The following SEMA3E variants were observed in gnomAD, a reference collection of about 807,000 sequenced individuals.
SEMA3E encodes the protein semaphorin-3E.
SEMA3E carries 49 observed loss-of-function variants against 93.6 expected under a neutral mutation model. The ratio of observed to expected loss-of-function variants is 0.52; its 90% CI spans 0.42 to 0.66. SEMA3E has a LOEUF of 0.66. Ranked by LOEUF, SEMA3E falls within the 30% of genes least tolerant of loss-of-function variation. The probability of loss-of-function intolerance (pLI) is 0.00; values close to 1 mark genes in which losing one functional copy is unlikely to be tolerated. For missense variants in SEMA3E, 906 were observed against 964.8 expected (o/e 0.94, Z 0.81); for synonymous variants, 363 against 330.7 (o/e 1.10, Z -1.06).
intron 1 of SEMA3E, among the ~76,000 whole-genome samples, chr7:83,573,801 T>C (rs1375322720): frequency 6.6e-6 from 1 of 151,932 alleles, no homozygotes; most frequent in Non-Finnish European, 1.5e-5. Flanking sequence ...TTATTATATA[T>C]CAGATACTAT....
chr7:83,545,179 A>G (rs1562826785), intron 1 of SEMA3E, among the ~76,000 whole-genome samples: 1 of 152,146 alleles, frequency 6.6e-6, no homozygotes, highest in Non-Finnish European at 1.5e-5. Context: ...ATTCAGTGCT[A>G]GGAATGTTTA....
At chr7:83,617,614 TAATTTTATATA>T (rs1247490036) in intron 1 of SEMA3E, among the ~76,000 whole-genome samples, 3 of 127,328 alleles carry the variant, frequency 2.4e-5, no homozygotes, top group Non-Finnish European at 4.8e-5. Flanking sequence ...AAGTAATATA[TAATTTTATATA>T]AATTTTATAT....
At chr7:83,634,675 A>C (rs535628350) in intron 1 of SEMA3E, among the ~76,000 whole-genome samples, 1 of 152,138 alleles carries the variant, frequency 6.6e-6, no homozygotes, top group South Asian at 2.1e-4. Context: ...AATTACAAGG[A>C]AATTAAACCA....
At chr7:83,497,375 A>G (rs552542506) in intron 1 of SEMA3E, among the ~76,000 whole-genome samples, 1 of 152,296 alleles carries the variant, frequency 6.6e-6, no homozygotes, top group East Asian at 1.9e-4. Flanking sequence ...TCACCTGCCA[A>G]GTAAAGACTT....
intron 1 of SEMA3E, among the ~76,000 whole-genome samples, chr7:83,506,066 T>C (rs1318669403): frequency 1.3e-5 from 2 of 149,136 alleles, no homozygotes; most frequent in Non-Finnish European, 3.0e-5. Flanking sequence ...TGCTCAGTTC[T>C]TGTGAAGCTG....
chr7:83,590,709 A>G (rs756828844), intron 1 of SEMA3E, among the ~76,000 whole-genome samples: 3 of 152,172 alleles, frequency 2.0e-5, no homozygotes, highest in Non-Finnish European at 4.4e-5. Context: ...CTGTCTAGCT[A>G]TGATGCCTGT....
chr7:83,617,610 T>C (rs1260321486), intron 1 of SEMA3E, among the ~76,000 whole-genome samples: 1 of 146,800 alleles, frequency 6.8e-6, no homozygotes, highest in Non-Finnish European at 1.5e-5. Flanking sequence ...ATATAAGTAA[T>C]ATATAATTTT....
intron 1 of SEMA3E, among the ~76,000 whole-genome samples, chr7:83,640,155 T>A (rs1793975481): frequency 6.6e-6 from 1 of 152,178 alleles, no homozygotes; most frequent in African/African-American, 2.4e-5. Context: ...TATTCTCATT[T>A]TCTTTGCTGC....
chr7:83,517,835 T>C (rs1045098591), intron 1 of SEMA3E, among the ~76,000 whole-genome samples: 1 of 152,100 alleles, frequency 6.6e-6, no homozygotes, highest in Non-Finnish European at 1.5e-5. Context: ...GTAACCACTA[T>C]TGGGATCTGA....
At chr7:83,412,483 C>T (rs779148733) in intron 5 of SEMA3E, among the ~76,000 whole-genome samples, 2 of 151,996 alleles carry the variant, frequency 1.3e-5, no homozygotes, top group African/African-American at 2.4e-5. Context: ...CAGTGATTCT[C>T]GCCTGTAATC....
Position 83,526,003 on chromosome 7 carries a change from T to A in SEMA3E, c.116-35729A>T, listed in dbSNP as rs57672014. On this transcript the variant is annotated intron_variant, in intron 1 of 16. Transcript: ENST00000643230. Reference sequence around the variant, plus strand: ...GCATCAATATATTTCTTTAGACTAGTCAGATTCCTCTGAGGAGAATATTTC... The same window carrying A: ...GCATCAATATATTTCTTTAGACTAGACAGATTCCTCTGAGGAGAATATTTC... Among the ~76,000 whole-genome samples, 27 of 151,614 alleles carry A rather than the reference T, an allele frequency of 1.8e-4. No homozygotes were observed. In the South Asian group the frequency reaches 3.1e-3, roughly 18 times the overall value.
intron 1 of SEMA3E, among the ~76,000 whole-genome samples, chr7:83,626,226 G>T (rs1793664360): frequency 1.3e-5 from 2 of 152,184 alleles, no homozygotes; most frequent in South Asian, 4.1e-4. Context: ...CTCATAAAAA[G>T]AGTTAGGGAG....
At chr7:83,404,313 A>G (rs1375287209) in intron 9 of SEMA3E, among the ~76,000 whole-genome samples, 1 of 151,956 alleles carries the variant, frequency 6.6e-6, no homozygotes, top group Non-Finnish European at 1.5e-5. Flanking sequence ...TCTCTAAGTG[A>G]GCATTAGAAA....
intron 11 of SEMA3E, among the ~76,000 whole-genome samples, chr7:83,398,995 A>G (rs1194084640): frequency 1.3e-5 from 2 of 152,134 alleles, no homozygotes; most frequent in African/African-American, 4.8e-5. Flanking sequence ...AAAACAAAAC[A>G]AAAATAAAAA....
chr7:83,551,033 G>A (rs1639301), intron 1 of SEMA3E, among the ~76,000 whole-genome samples: 50,721 of 151,940 alleles, frequency 0.33, 10,359 homozygotes, highest in African/African-American at 0.57. Flanking sequence ...AGTACTAAGT[G>A]TTGGTAAACA....
intron 14 of SEMA3E, among the ~76,000 whole-genome samples, chr7:83,390,941 T>C (rs1475218112): frequency 1.3e-5 from 2 of 152,200 alleles, no homozygotes; most frequent in African/African-American, 4.8e-5. Flanking sequence ...CAATTAAAAT[T>C]CATTATCACT....
intron 4 of SEMA3E, among the ~76,000 whole-genome samples, chr7:83,461,592 T>C (rs1789618174): frequency 6.6e-6 from 1 of 152,288 alleles, no homozygotes; most frequent in Non-Finnish European, 1.5e-5. Flanking sequence ...TCATCAAATA[T>C]AAAAATCCAG....
At chr7:83,387,438 GTTATT>G (rs895444270) in intron 14 of SEMA3E, among the ~76,000 whole-genome samples, 2 of 152,060 alleles carry the variant, frequency 1.3e-5, no homozygotes, top group Non-Finnish European at 2.9e-5. Flanking sequence ...GTACAAAACA[GTTATT>G]TTGAGTATAA....
In SEMA3E at chr7:83,396,739, A is replaced by T; in HGVS notation, c.1367-10T>A. The T allele has an allele frequency of 6.4e-7, 1 of 1,563,330 alleles. No individual in the cohort carries two copies. Among genetic ancestry groups the T allele is most frequent in the Non-Finnish European group, 8.8e-7 (1 of 1,137,870 alleles). Reference sequence around the variant, plus strand: ...AGCACAATTCCATTATCTGTAAGAAAACAAAACAAGAAATAAACTAGAATC... The same window carrying T: ...AGCACAATTCCATTATCTGTAAGAATACAAAACAAGAAATAAACTAGAATC... On this transcript the variant is annotated splice_polypyrimidine_tract_variant and intron_variant, in intron 11 of 16. Transcript: ENST00000643230.
Sources: allele counts gnomAD v4.1 joint callset (sites outside exome capture counted in the v4.1 genomes callset), GRCh38; gene constraint gnomAD v4.1.1; transcripts MANE v1.5; gene names NCBI Gene and HGNC (gene_info 2026-07-23, HGNC 2026-07-21).